COL24A1: variants seen among roughly 807,000 people sequenced by gnomAD.
The protein encoded by COL24A1 is collagen alpha-1(XXIV) chain.
COL24A1 carries 224 observed loss-of-function variants against 253.9 expected under a neutral mutation model. That is an observed-to-expected ratio of 0.88 (90% CI 0.79 to 0.99). The LOEUF is 0.99. Among genes scored for constraint, COL24A1 ranks in the 50% least tolerant of loss-of-function variants. COL24A1 has a pLI of 0.00. For missense variants in COL24A1, 2,131 were observed against 2,068.5 expected (o/e 1.03, Z -0.59); for synonymous variants, 685 against 673.7 (o/e 1.02, Z -0.26).
In COL24A1 at chr1:86,125,990, G is replaced by A. The variant is rs769579792; in HGVS notation, c.346C>T (p.Arg116Trp). 5.6e-6 allele frequency: 9 copies of A among 1,613,464 alleles called. No homozygotes were observed. The highest frequency in any genetic ancestry group is 2.2e-5 in the South Asian group (2 of 91,068). Residue 116 changes from arginine (R) to tryptophan (W), a missense_variant, in exon 3 of 60, where the codon CGG becomes TGG. Transcript: ENST00000370571. ...CTGAAGAGAAATGCATTGTTCACCC[G>A]ATGTGACTGTAACCCAGTTAATATT... ...FTILTGLQSH[R>W]VNNAFLFSIR...
intron 47 of COL24A1, among the ~76,000 whole-genome samples, chr1:85,808,310 C>G (rs1014261062): frequency 2.0e-5 from 3 of 152,138 alleles, no homozygotes; most frequent in African/African-American, 4.8e-5. Context: ...ACAAATAAAC[C>G]TGAAGAAAGT....
At chr1:85,795,013 G>A (rs570046932) in intron 47 of COL24A1, among the ~76,000 whole-genome samples, 5 of 152,216 alleles carry the variant, frequency 3.3e-5, no homozygotes, top group South Asian at 4.1e-4. Flanking sequence ...CAAGTACTTC[G>A]ATCAGTAATG....
chr1:85,781,580 C>CA (rs1336526374), intron 51 of COL24A1, among the ~76,000 whole-genome samples: 1 of 151,844 alleles, frequency 6.6e-6, no homozygotes, highest in Admixed American at 6.6e-5. Flanking sequence ...TGTTATATAA[C>CA]AAATAAAACT....
intron 41 of COL24A1, 81 bp from the exon 42 acceptor site, chr1:85,841,359 A>G: frequency 2.1e-6 from 2 of 942,380 alleles, no homozygotes; most frequent in South Asian, 3.2e-5. Flanking sequence ...ATTTTTAAGT[A>G]TATTAGAAAA....
chr1:86,124,669 C>G (rs1392197483), intron 3 of COL24A1, among the ~76,000 whole-genome samples, 176 bp downstream of exon 3: 1 of 151,938 alleles, frequency 6.6e-6, no homozygotes, highest in East Asian at 1.9e-4. Flanking sequence ...GGGTTACATT[C>G]TGGCAGATAT....
intron 59 of COL24A1, among the ~76,000 whole-genome samples, chr1:85,733,237 A>G (rs576625662): frequency 3.3e-5 from 5 of 152,182 alleles, no homozygotes; most frequent in Non-Finnish European, 5.9e-5. Flanking sequence ...GTACACAAAG[A>G]TAGGAAATGA....
chr1:86,153,711 A>G (rs763927596), intron 1 of COL24A1, among the ~76,000 whole-genome samples: 2 of 152,236 alleles, frequency 1.3e-5, no homozygotes, highest in Non-Finnish European at 2.9e-5. Context: ...TTGAACACAA[A>G]TATAACTAAG....
chr1:85,882,560 T>C (rs1298209268), intron 32 of COL24A1, among the ~76,000 whole-genome samples: 10 of 151,194 alleles, frequency 6.6e-5, no homozygotes, highest in Non-Finnish European at 1.3e-4. Context: ...GAGTGTTCCA[T>C]GTCAGTTTGT....
intron 12 of COL24A1, among the ~76,000 whole-genome samples, chr1:86,042,050 G>A (rs1266764334): frequency 1.3e-5 from 2 of 152,122 alleles, no homozygotes; most frequent in East Asian, 3.8e-4. Flanking sequence ...AGGGAGTGCA[G>A]GAGGGAAGGA....
chr1:86,062,664 C>T (rs1331815263), intron 8 of COL24A1, among the ~76,000 whole-genome samples: 2 of 152,032 alleles, frequency 1.3e-5, no homozygotes, highest in East Asian at 1.9e-4. Context: ...TTTTTTCTCC[C>T]CAGGGACTAA....
At chr1:85,770,770 A>G (rs544142726) in intron 53 of COL24A1, among the ~76,000 whole-genome samples, 33 of 152,294 alleles carry the variant, frequency 2.2e-4, no homozygotes, top group Non-Finnish European at 4.0e-4. Context: ...AAATGAGGGA[A>G]GTAGGGCCAG....
chr1:86,097,463 CCCTCCTCCTCCT>C (rs1293052756), intron 5 of COL24A1, among the ~76,000 whole-genome samples: 1 of 40,998 alleles, frequency 2.4e-5, no homozygotes, highest in Non-Finnish European at 6.2e-5. Flanking sequence ...TCCTCTTCCT[CCCTCCTCCTCCT>C]CCCTCCTCCT....
intron 24 of COL24A1, among the ~76,000 whole-genome samples, chr1:85,923,246 T>A (rs1294626490): frequency 6.6e-6 from 1 of 152,098 alleles, no homozygotes; most frequent in Non-Finnish European, 1.5e-5. Context: ...CCATTGTCAA[T>A]ATTAGACAGA....
intron 1 of COL24A1, chr1:86,155,573 GC>G (rs1196969666): frequency 6.6e-6 from 1 of 152,326 alleles, no homozygotes; most frequent in Non-Finnish European, 1.5e-5. Flanking sequence ...CAGGTACAGC[GC>G]CCAAAGGGGA....
intron 4 of COL24A1, among the ~76,000 whole-genome samples, chr1:86,113,369 A>G (rs948711837): frequency 6.6e-6 from 1 of 152,124 alleles, no homozygotes; most frequent in African/African-American, 2.4e-5. Flanking sequence ...TCAATTTTGT[A>G]CCCTACTTCT....
At chr1:85,866,358 T>C (rs753950030) in intron 37 of COL24A1, among the ~76,000 whole-genome samples, 1 of 152,188 alleles carries the variant, frequency 6.6e-6, no homozygotes, top group Non-Finnish European at 1.5e-5. Context: ...TCTCTTAGCT[T>C]TTTCTAAGTT....
At chr1:86,077,476 T>C (rs1419772519) in intron 7 of COL24A1, among the ~76,000 whole-genome samples, 3 of 152,174 alleles carry the variant, frequency 2.0e-5, no homozygotes, top group Non-Finnish European at 4.4e-5. Flanking sequence ...GACCCAGCAA[T>C]CTCATTACTG....
intron 2 of COL24A1, among the ~76,000 whole-genome samples, chr1:86,130,059 T>C (rs6666498): frequency 0.046 from 7,050 of 151,952 alleles, 562 homozygotes; most frequent in African/African-American, 0.16. Flanking sequence ...TAGATAATCA[T>C]GCAGTTCACA....
chr1:85,823,889 A>G lies in COL24A1; in HGVS notation c.3682-151T>C, dbSNP rs986678139. 1.6e-5 allele frequency: 11 copies of G among 699,256 alleles called. No homozygotes were observed. In the African/African-American group the frequency reaches 2.0e-4, roughly 13 times the overall value. The allele number at this position is 699,256 out of a possible 1,614,324, so 43.3% of individuals were successfully genotyped here. A position where few individuals can be genotyped will look rare whatever the true frequency, so the allele number is the denominator to read the frequency against. ...ATTCTTCTTGGAAATAGAAAAGAACATAATAGCTGTTGGATATTATGGTAG... is the reference window on the plus strand; with the variant it reads ...ATTCTTCTTGGAAATAGAAAAGAACGTAATAGCTGTTGGATATTATGGTAG... On this transcript the variant is annotated intron_variant, in intron 43 of 59. Coordinates refer to ENST00000370571, the MANE Select transcript of COL24A1 (RefSeq NM_152890.7).
Sources: allele counts gnomAD v4.1 joint callset (sites outside exome capture counted in the v4.1 genomes callset), GRCh38; gene constraint gnomAD v4.1.1; transcripts MANE v1.5; gene names NCBI Gene and HGNC (gene_info 2026-07-23, HGNC 2026-07-21).